Variants in YPEL2 observed in about 807,000 individuals in gnomAD.
YPEL2 encodes protein yippee-like 2.
YPEL2 carries 2 observed loss-of-function variants against 19.1 expected under a neutral mutation model. The observed-to-expected ratio is 0.10, with a 90% CI of 0.04 to 0.33. YPEL2 has a LOEUF of 0.33. Ranked by LOEUF, YPEL2 falls within the 10% of genes least tolerant of loss-of-function variation. The probability of loss-of-function intolerance (pLI) is 1.00; values close to 1 mark genes in which losing one functional copy is unlikely to be tolerated. For synonymous variants in YPEL2, 52 were observed against 50.0 expected, an observed-to-expected ratio of 1.04 and a Z score of -0.17; for missense variants, 66 against 140.7, an observed-to-expected ratio of 0.47 and a Z score of 2.68.
In YPEL2 at chr17:59,353,443, G is replaced by A. The variant is rs1341851547; in HGVS notation, c.34G>A (p.Ala12Thr). The A allele has an allele frequency of 6.2e-7, 1 of 1,608,152 alleles. No homozygotes were observed. The highest frequency in any genetic ancestry group is 8.5e-7 in the Non-Finnish European group (1 of 1,176,594). Reference protein sequence around the residue: ...VKMTRSKTFQAYLPSCHRTYS... With the variant: ...VKMTRSKTFQTYLPSCHRTYS... ...GATGACAAGATCGAAGACTTTCCAG[G>A]CATATCTGCCCTCCTGCCACCGGAC... is the stretch of plus-strand genomic sequence containing the variant. The change falls in exon 2 of 5, where the codon GCA (alanine) becomes ACA (threonine). Residue 12 changes from alanine to threonine, a missense_variant. By Grantham distance (58) the Ala-to-Thr change is moderately conservative. Coordinates refer to ENST00000312655, the MANE Select transcript of YPEL2 (RefSeq NM_001005404.4). The surrounding 1 kb of genome is among the most constrained non-coding windows in gnomAD (Gnocchi z 4.8).
chr17:59,349,358 C>CTTTTTTTTTTTTTT (rs58304283), intron 1 of YPEL2, among the ~76,000 whole-genome samples: 4 of 119,212 alleles, frequency 3.4e-5, no homozygotes, highest in Non-Finnish European at 3.4e-5. Context: ...CCTTTTTTTT[C>CTTTTTTTTTTTTTT]TTTTTTTTTT....
intron 1 of YPEL2, among the ~76,000 whole-genome samples, chr17:59,335,821 A>G (rs2047696028): frequency 2.0e-5 from 3 of 152,126 alleles, no homozygotes; most frequent in Non-Finnish European, 4.4e-5. Flanking sequence ...AAGTCTTGGG[A>G]TTACAGGCAT....
intron 1 of YPEL2, among the ~76,000 whole-genome samples, chr17:59,344,802 C>A (rs2047748051): frequency 6.6e-6 from 1 of 152,146 alleles, no homozygotes; most frequent in Non-Finnish European, 1.5e-5. Flanking sequence ...TTGGAGACTG[C>A]CCGTATTTTT....
rs1311826338 is a variant in YPEL2, at chr17:59,398,900, A to G, written c.*1710A>G. 1.3e-5 allele frequency: 2 copies of G among 152,150 alleles called. No homozygotes were observed. Among genetic ancestry groups the G allele is most frequent in the Non-Finnish European group, 2.9e-5 (2 of 68,034 alleles). 9.4% of individuals were successfully genotyped at this position (152,150 alleles called of 1,614,324 possible). A position where few individuals can be genotyped will look rare whatever the true frequency, so the allele number is the denominator to read the frequency against. ...TCAGAATAGCGTCTGCAGCAGAACC[A>G]GTTTCCATTCAGAGCGCGTCCTTGG... On this transcript the variant is annotated 3_prime_UTR_variant, in exon 5 of 5. Transcript: ENST00000312655.
chr17:59,351,088 G>A (rs1344910104), intron 1 of YPEL2, among the ~76,000 whole-genome samples: 1 of 152,144 alleles, frequency 6.6e-6, no homozygotes, highest in African/African-American at 2.4e-5. Context: ...TTAGAAAGGT[G>A]GAAGGGCCAG....
chr17:59,349,763 C>T (rs922836836), intron 1 of YPEL2, among the ~76,000 whole-genome samples: 3 of 152,138 alleles, frequency 2.0e-5, no homozygotes, highest in South Asian at 2.1e-4. Context: ...CAGGTTCAGG[C>T]GATTCTCCTG....
chr17:59,369,949 A>G (rs2047888545), intron 2 of YPEL2, among the ~76,000 whole-genome samples: 1 of 152,256 alleles, frequency 6.6e-6, no homozygotes, highest in African/African-American at 2.4e-5. Flanking sequence ...AGACTAATCC[A>G]AAGAGAGATG....
intron 2 of YPEL2, among the ~76,000 whole-genome samples, chr17:59,377,168 C>T (rs1019822474): frequency 2.6e-5 from 4 of 152,030 alleles, no homozygotes; most frequent in Non-Finnish European, 4.4e-5. Context: ...TTTTCATTGG[C>T]CAGTGCCCAT....
chr17:59,383,653 G>A (rs1299884213), intron 2 of YPEL2, among the ~76,000 whole-genome samples: 1 of 71,742 alleles, frequency 1.4e-5, no homozygotes, highest in African/African-American at 4.9e-5. Flanking sequence ...TATATATATG[G>A]TCTAATAGTG....
At chr17:59,389,124 C>G (rs1056934456) in intron 3 of YPEL2, 1 of 522,502 alleles carries the variant, frequency 1.9e-6, no homozygotes, top group Non-Finnish European at 3.4e-6. Flanking sequence ...AGCAAACTCT[C>G]AACCATAAAG....
chr17:59,380,610 A>G (rs940375393), intron 2 of YPEL2, among the ~76,000 whole-genome samples: 8 of 152,174 alleles, frequency 5.3e-5, no homozygotes, highest in Non-Finnish European at 4.4e-5. Flanking sequence ...AGTGAGAGCT[A>G]TTTTATTATG....
At chr17:59,360,509 G>T (rs555837877) in intron 2 of YPEL2, among the ~76,000 whole-genome samples, 14 of 152,182 alleles carry the variant, frequency 9.2e-5, no homozygotes, top group Non-Finnish European at 2.1e-4. Context: ...TTTATAAAGA[G>T]AATCACATTT....
chr17:59,389,196 A>G, intron 3 of YPEL2, 164 bp from the exon 4 acceptor site: 2 of 574,282 alleles, frequency 3.5e-6, no homozygotes, highest in Non-Finnish European at 6.2e-6. Context: ...CAGCTGAGAT[A>G]TTTCCCTGTG....
chr17:59,353,835 G>A lies in YPEL2; in HGVS notation c.117+309G>A, dbSNP rs1054699510. On this transcript the variant is annotated intron_variant, in intron 2 of 4. Coordinates refer to ENST00000312655, the MANE Select transcript of YPEL2 (RefSeq NM_001005404.4). This position sits in a 1 kb window ranked among gnomAD's most constrained non-coding sequence, Gnocchi z 4.8. ...CTTGTTCTCAGCTTGCTTGGTTTAG[G>A]TTGGCGGACGAAGAGTGAAGAGTGC... 3 of 379,852 alleles carry A rather than the reference G, an allele frequency of 7.9e-6. No homozygotes were observed. The highest frequency in any genetic ancestry group is 6.3e-5 in the African/African-American group (3 of 47,658). The allele number at this position is 379,852 out of a possible 1,614,324, so 23.5% of individuals were successfully genotyped here. A position where few individuals can be genotyped will look rare whatever the true frequency, so the allele number is the denominator to read the frequency against.
At chr17:59,348,983 G>A (rs1270257119) in intron 1 of YPEL2, among the ~76,000 whole-genome samples, 5 of 152,034 alleles carry the variant, frequency 3.3e-5, no homozygotes, top group East Asian at 1.9e-4. Flanking sequence ...TCAGGAGATC[G>A]AGACCACGGT....
intron 1 of YPEL2, among the ~76,000 whole-genome samples, chr17:59,333,445 A>G (rs2047682141): frequency 6.6e-6 from 1 of 152,218 alleles, no homozygotes; most frequent in Non-Finnish European, 1.5e-5. Context: ...GGGGTGGAAA[A>G]TGGAAAATAA....
intron 2 of YPEL2, among the ~76,000 whole-genome samples, chr17:59,370,437 G>A (rs1031121763): frequency 1.3e-5 from 2 of 152,086 alleles, no homozygotes; most frequent in Non-Finnish European, 2.9e-5. Flanking sequence ...GCAGCAAAAC[G>A]GTCTGTCATA....
At chr17:59,394,845 G>A (rs1317386241) in intron 4 of YPEL2, among the ~76,000 whole-genome samples, 2 of 152,244 alleles carry the variant, frequency 1.3e-5, no homozygotes, top group Admixed American at 1.3e-4. Flanking sequence ...CCGGCACCTC[G>A]GGAGGCTGAG....
At chr17:59,394,785 T>C (rs554551844) in intron 4 of YPEL2, among the ~76,000 whole-genome samples, 6 of 152,272 alleles carry the variant, frequency 3.9e-5, no homozygotes, top group South Asian at 4.1e-4. Context: ...CCACTGCACT[T>C]CAGCCTGGGC....
Sources: allele counts gnomAD v4.1 joint callset (sites outside exome capture counted in the v4.1 genomes callset), GRCh38; gene constraint gnomAD v4.1.1; non-coding constraint Gnocchi (gnomAD v3.1); transcripts MANE v1.5; gene names NCBI Gene and HGNC (gene_info 2026-07-23, HGNC 2026-07-21).